Variants in MEGF11 observed in about 807,000 individuals in gnomAD.
MEGF11 encodes the protein multiple EGF like domains 11, also known as multiple epidermal growth factor-like domains protein 11.
MEGF11 carries 126 observed loss-of-function variants against 146.6 expected under a neutral mutation model. That is an observed-to-expected ratio of 0.86 (90% CI 0.74 to 1.00). The LOEUF is 1.00. Among genes scored for constraint, MEGF11 ranks in the 50% least tolerant of loss-of-function variants. The pLI is 0.00. For missense variants in MEGF11, 1,509 were observed against 1,521.2 expected (o/e 0.99, Z 0.13); for synonymous variants, 532 against 583.4 (o/e 0.91, Z 1.27).
At chr15:65,941,424 G>C (rs930466959) in intron 10 of MEGF11, among the ~76,000 whole-genome samples, 1 of 151,820 alleles carries the variant, frequency 6.6e-6, no homozygotes, top group Non-Finnish European at 1.5e-5. Flanking sequence ...CTCCAGCTTG[G>C]GTGACAAAGT....
chr15:66,196,198 G>A (rs780836902), intron 1 of MEGF11, among the ~76,000 whole-genome samples: 4 of 152,124 alleles, frequency 2.6e-5, no homozygotes, highest in Admixed American at 6.6e-5. Flanking sequence ...GGGGTCAGGC[G>A]TGGTGGCTCA....
chr15:65,912,368 G>GCTCTCCAGATTTC, intron 20 of MEGF11, 168 bp from the exon 21 acceptor site: 2 of 400,014 alleles, frequency 5.0e-6, no homozygotes, highest in South Asian at 1.4e-4. Context: ...CTGAAATCTG[G>GCTCTCCAGATTTC]AGAGCCTGAT....
At chr15:66,007,357 C>T (rs1194889345) in intron 5 of MEGF11, among the ~76,000 whole-genome samples, 1 of 152,202 alleles carries the variant, frequency 6.6e-6, no homozygotes, top group Non-Finnish European at 1.5e-5. Flanking sequence ...ATGGCTCCCC[C>T]TCAATTCAAA....
Position 65,957,679 on chromosome 15 carries a change from C to G in MEGF11, c.1155G>C (p.Trp385Cys). 1 of 1,613,894 alleles carries G rather than the reference C, an allele frequency of 6.2e-7. No homozygotes were observed. The highest frequency in any genetic ancestry group is 8.5e-7 in the Non-Finnish European group (1 of 1,179,894). Residue 385 changes from tryptophan (W) to cysteine (C), a missense_variant, in exon 10 of 26, where the codon TGG (tryptophan) becomes TGC (cysteine). Coordinates refer to ENST00000395614, the MANE Select transcript of MEGF11 (RefSeq NM_001385028.1). ...VTGACTCQPG[W>C]SGHHCNESCP... ...AGGATTCATTGCAGTGGTGACCAGA[C>G]CAGCCTGGCTGGCAGGTACAAGCTC...
chr15:66,143,119 A>G (rs1003728058), intron 1 of MEGF11, among the ~76,000 whole-genome samples: 1 of 152,256 alleles, frequency 6.6e-6, no homozygotes, highest in Non-Finnish European at 1.5e-5. Context: ...GCGGATATCA[A>G]TAAACATTCG....
At chr15:66,225,232 T>G (rs1319676093) in intron 1 of MEGF11, among the ~76,000 whole-genome samples, 1 of 152,106 alleles carries the variant, frequency 6.6e-6, no homozygotes, top group Non-Finnish European at 1.5e-5. Flanking sequence ...GAGCCAAGGC[T>G]CAAACCTGCA....
At chr15:65,928,219 G>A (rs891929378) in intron 13 of MEGF11, among the ~76,000 whole-genome samples, 2 of 152,196 alleles carry the variant, frequency 1.3e-5, no homozygotes, top group Non-Finnish European at 2.9e-5. Context: ...CAGTGCCTTG[G>A]ACAGAGCTTA....
At chr15:66,110,918 G>A (rs1172512321) in intron 4 of MEGF11, among the ~76,000 whole-genome samples, 2 of 152,046 alleles carry the variant, frequency 1.3e-5, no homozygotes, top group East Asian at 1.9e-4. Context: ...GCTCAAACCA[G>A]TATAGCTTCA....
chr15:66,185,188 C>T (rs951344949), intron 1 of MEGF11, among the ~76,000 whole-genome samples: 16 of 152,066 alleles, frequency 1.1e-4, no homozygotes, highest in African/African-American at 3.1e-4. Context: ...AATGTGGGGA[C>T]GGCAGCTCAT....
chr15:66,094,625 G>C (rs977874208), intron 4 of MEGF11, 131 bp from the exon 5 acceptor site: 5 of 705,798 alleles, frequency 7.1e-6, no homozygotes, highest in Admixed American at 2.6e-5. Context: ...TGACTGGCTT[G>C]GGGGGGAAAA....
At chr15:65,961,760 C>T (rs1365112196) in intron 9 of MEGF11, among the ~76,000 whole-genome samples, 1 of 152,164 alleles carries the variant, frequency 6.6e-6, no homozygotes, top group Non-Finnish European at 1.5e-5. Context: ...GCTGGGATTA[C>T]TTTTTCTGCC....
intron 10 of MEGF11, among the ~76,000 whole-genome samples, chr15:65,938,401 C>T (rs1265298274): frequency 6.6e-6 from 1 of 152,216 alleles, no homozygotes. Context: ...ATGGAAAGTG[C>T]ACTTGCCACC....
At chr15:65,981,888 G>A (rs576434214) in intron 6 of MEGF11, among the ~76,000 whole-genome samples, 1 of 152,300 alleles carries the variant, frequency 6.6e-6, no homozygotes, top group African/African-American at 2.4e-5. Context: ...AGACTTTCAA[G>A]ATAAGGGCTG....
intron 1 of MEGF11, among the ~76,000 whole-genome samples, chr15:66,217,236 ACT>A (rs1412852962): frequency 6.6e-6 from 1 of 152,040 alleles, no homozygotes; most frequent in Non-Finnish European, 1.5e-5. Context: ...AGCTGGTCCG[ACT>A]CTCTCCTTTC....
At chr15:66,155,850 A>G (rs1211302267) in intron 1 of MEGF11, among the ~76,000 whole-genome samples, 1 of 152,178 alleles carries the variant, frequency 6.6e-6, no homozygotes, top group African/African-American at 2.4e-5. Flanking sequence ...TGGCCACGCC[A>G]GCTATCACCT....
chr15:66,160,705 A>C (rs1440011700), intron 1 of MEGF11, among the ~76,000 whole-genome samples: 1 of 145,158 alleles, frequency 6.9e-6, no homozygotes, highest in East Asian at 2.0e-4. Flanking sequence ...ACACACACAC[A>C]CCCTTGCCCT....
Position 65,916,826 on chromosome 15 carries a change from A to T in MEGF11, c.2215+2T>A. The stretch of plus-strand genomic sequence containing the variant: ...GCTGGGAGGCCAGGAGGTGGGGCTT[A>T]CGCTGTGTGCAGAAGAGTCCAGTCC... On this transcript the variant is annotated splice_donor_variant, in intron 17 of 25. Transcript: ENST00000395614. LOFTEE classifies it high-confidence loss of function. 1 of 1,610,860 alleles carries T rather than the reference A, an allele frequency of 6.2e-7. No individual in the cohort carries two copies. The highest frequency in any genetic ancestry group is 8.5e-7 in the Non-Finnish European group (1 of 1,178,348).
At chr15:65,907,157 C>T (rs16949087) in intron 23 of MEGF11, among the ~76,000 whole-genome samples, 50,817 of 152,048 alleles carry the variant, frequency 0.33, 9,342 homozygotes, top group East Asian at 0.67. Flanking sequence ...CTGAAGACCA[C>T]CCTGTTGCTA....
chr15:66,059,400 C>G (rs111888810), intron 5 of MEGF11, among the ~76,000 whole-genome samples: 12 of 152,324 alleles, frequency 7.9e-5, no homozygotes, highest in Non-Finnish European at 1.2e-4. Context: ...GGTCCTCATT[C>G]GGCTAATTGG....
Sources: gnomAD v4.1 joint callset for allele counts (sites outside exome capture counted in the v4.1 genomes callset) on GRCh38, gnomAD v4.1.1 for gene constraint, MANE v1.5 for transcripts, NCBI Gene and HGNC (gene_info 2026-07-23, HGNC 2026-07-21) for gene names.